PGM5: variants seen among roughly 807,000 people sequenced by gnomAD.
PGM5 encodes the protein phosphoglucomutase-like protein 5.
A neutral mutation model predicts 59.2 loss-of-function variants in PGM5; 23 were observed. The ratio of observed to expected loss-of-function variants is 0.39; its 90% CI spans 0.28 to 0.55. The LOEUF is 0.55. PGM5 is among the 20% of genes least tolerant of loss of function. The pLI, the probability that PGM5 is intolerant of heterozygous loss-of-function variation, is 0.66. For synonymous variants in PGM5, 214 were observed against 286.0 expected (o/e 0.75, Z 2.54); for missense variants, 574 against 748.3 (o/e 0.77, Z 2.72).
Position 68,529,629 on chromosome 9 carries a change from C to T in PGM5, c.1677C>T (p.Gly559=), listed in dbSNP as rs201182943. 51 of 1,598,638 alleles carry T rather than the reference C, an allele frequency of 3.2e-5. No homozygotes were observed. The Admixed American group carries it at 7.3e-4, about 23-fold the overall frequency. ...TATCCCAGATTCATGAGAGAACTGG[C>T]CGGAGGGGACCCACTGTCATCACCT... ...LKISQIHERT[G]RRGPTVIT Residue 559 remains glycine, a synonymous_variant, in exon 11 of 11, where the codon GGC becomes GGT. Coordinates refer to ENST00000396396, the MANE Select transcript of PGM5 (RefSeq NM_021965.4).
Position 68,476,984 on chromosome 9 carries a change from AT to A in PGM5, c.1160-2424del, listed in dbSNP as rs35728957. On this transcript the variant is annotated intron_variant, in intron 7 of 10. Coordinates refer to ENST00000396396, the MANE Select transcript of PGM5 (RefSeq NM_021965.4). ...TTTCTCTAGCCAGTAAATAAAAGTG[AT>A]TTTTTTTTTCAGCTGTAAAAGGACA... Among the ~76,000 whole-genome samples the A allele has an allele frequency of 1.5e-4, 23 of 151,042 alleles. 1 individual carries two copies. The highest frequency in any genetic ancestry group is 3.2e-4 in the African/African-American group (13 of 41,220).
chr9:68,402,478 G>T (rs1212565995), intron 6 of PGM5: 1 of 152,200 alleles, frequency 6.6e-6, no homozygotes, highest in African/African-American at 2.4e-5. Context: ...ATAAACATTG[G>T]TTAGGTTCAG....
intron 6 of PGM5, among the ~76,000 whole-genome samples, chr9:68,440,361 A>C (rs1554683619): frequency 6.6e-6 from 1 of 152,216 alleles, no homozygotes; most frequent in Non-Finnish European, 1.5e-5. Flanking sequence ...TAAATGTAAA[A>C]GAACGGAAAC....
intron 6 of PGM5, among the ~76,000 whole-genome samples, chr9:68,425,776 T>G (rs1031864279): frequency 6.6e-6 from 1 of 152,230 alleles, no homozygotes; most frequent in Non-Finnish European, 1.5e-5. Context: ...TAAATTTTAC[T>G]GATTAATGAT....
chr9:68,509,628 G>T (rs564108243), intron 10 of PGM5, among the ~76,000 whole-genome samples: 17 of 152,336 alleles, frequency 1.1e-4, no homozygotes, highest in Admixed American at 1.0e-3. Flanking sequence ...GCCAGCGTCG[G>T]ACAGGAGGCA....
At chr9:68,511,223 C>A (rs192025168) in intron 10 of PGM5, among the ~76,000 whole-genome samples, 45 of 152,256 alleles carry the variant, frequency 3.0e-4, no homozygotes, top group South Asian at 6.2e-4. Context: ...CCTTCAGTGC[C>A]TGTTATCTGT....
At chr9:68,375,719 T>C (rs1348515923) in intron 1 of PGM5, among the ~76,000 whole-genome samples, 1 of 152,180 alleles carries the variant, frequency 6.6e-6, no homozygotes, top group Non-Finnish European at 1.5e-5. Flanking sequence ...AAAGGCAATA[T>C]ATGTGATCCA....
rs1823810755 is a variant in PGM5, at chr9:68,458,413, G to T, written c.1044-6680G>T. Among the ~76,000 whole-genome samples, 3 of 152,070 alleles carry T rather than the reference G, an allele frequency of 2.0e-5. No homozygotes were observed. The South Asian group carries it at 6.2e-4, about 31-fold the overall frequency. ...GTCCACCTTTATTTGTTTTATAATT[G>T]GTCAAACTCTAGAAGTTTAGAGATA... On this transcript the variant is annotated intron_variant, in intron 6 of 10. Transcript: ENST00000396396.
intron 5 of PGM5, 138 bp from the exon 6 acceptor site, chr9:68,392,181 T>C (rs1303727440): frequency 7.4e-7 from 1 of 1,347,128 alleles, no homozygotes; most frequent in Non-Finnish European, 1.0e-6. Flanking sequence ...GAAGAATGTT[T>C]CCCATGTTCT....
At chr9:68,502,481 T>G (rs994384723) in intron 10 of PGM5, among the ~76,000 whole-genome samples, 1 of 152,032 alleles carries the variant, frequency 6.6e-6, no homozygotes, top group East Asian at 1.9e-4. Flanking sequence ...TAAGGAACAA[T>G]AGAAGATCCA....
intron 7 of PGM5, among the ~76,000 whole-genome samples, chr9:68,469,097 T>C (rs1369421731): frequency 5.3e-5 from 8 of 152,178 alleles, no homozygotes; most frequent in Non-Finnish European, 1.2e-4. Flanking sequence ...TTTGTATTTT[T>C]AGGAGAGACA....
chr9:68,387,560 G>A lies in PGM5; in HGVS notation c.669G>A (p.Leu223=), dbSNP rs1554678972. 6.2e-7 allele frequency: 1 copy of A among 1,612,124 alleles called. No homozygotes were observed. The highest frequency in any genetic ancestry group is 1.7e-5 in the Admixed American group (1 of 59,888). ...GTTTGCTGACTGGACCCAGCCAACTGAAGATTCGCATTGACGCAATGCACG... is the reference window on the plus strand; with the variant it reads ...GTTTGCTGACTGGACCCAGCCAACTAAAGATTCGCATTGACGCAATGCACG... ...IKGLLTGPSQ[L]KIRIDAMHGV... Residue 223 remains leucine (L), a synonymous_variant, in exon 4 of 11, where the codon CTG becomes CTA. Transcript: ENST00000396396.
intron 10 of PGM5, among the ~76,000 whole-genome samples, chr9:68,528,583 T>G (rs1825025723): frequency 6.6e-6 from 1 of 152,224 alleles, no homozygotes; most frequent in Non-Finnish European, 1.5e-5. Flanking sequence ...CTCAATCTAC[T>G]TATTTATTAT....
In PGM5 at chr9:68,372,828, A is replaced by G. The variant is rs542929680; in HGVS notation, c.262-5371A>G. Among the ~76,000 whole-genome samples, 10 of 152,202 alleles carry G rather than the reference A, an allele frequency of 6.6e-5. No homozygotes were observed. The South Asian group carries it at 1.9e-3, about 28-fold the overall frequency. On this transcript the variant is annotated intron_variant, in intron 1 of 10. Transcript: ENST00000396396. ...ATATCACACAGCAAGAGTGGGAGCA[A>G]GAGAACAAAAGAGAAGGTGCCACAT...
At chr9:68,372,279 C>T (rs1821755760) in intron 1 of PGM5, among the ~76,000 whole-genome samples, 1 of 122,862 alleles carries the variant, frequency 8.1e-6, no homozygotes, top group Non-Finnish European at 1.7e-5. Context: ...GAATCTGCTC[C>T]CGCCTCTTCC....
At chr9:68,362,961 T>C (rs1387051150) in intron 1 of PGM5, among the ~76,000 whole-genome samples, 28 of 146,864 alleles carry the variant, frequency 1.9e-4, no homozygotes, top group Non-Finnish European at 3.9e-4. Flanking sequence ...TTCCGCCTCC[T>C]GGGTTCCAGT....
chr9:68,424,929 ACCT>A (rs1823208429), intron 6 of PGM5, among the ~76,000 whole-genome samples: 1 of 152,074 alleles, frequency 6.6e-6, no homozygotes. Flanking sequence ...TCCAAAATTG[ACCT>A]CCTTCTTCCT....
At chr9:68,386,988 A>G (rs1435435762) in intron 3 of PGM5, among the ~76,000 whole-genome samples, 3 of 151,814 alleles carry the variant, frequency 2.0e-5, no homozygotes, top group Admixed American at 1.3e-4. Flanking sequence ...GGTAGGCACA[A>G]TGGCTTTTGG....
intron 6 of PGM5, chr9:68,394,118 C>T (rs1235998218): frequency 6.6e-6 from 1 of 151,926 alleles, no homozygotes; most frequent in Non-Finnish European, 1.5e-5. Context: ...AGGAAGAAGG[C>T]ACCGGGAAAC....
Sources: allele counts gnomAD v4.1 joint callset (sites outside exome capture counted in the v4.1 genomes callset), GRCh38; gene constraint gnomAD v4.1.1; transcripts MANE v1.5; gene names NCBI Gene and HGNC (gene_info 2026-07-23, HGNC 2026-07-21).